The following OSBPL8 variants were observed in gnomAD, a reference collection of about 807,000 sequenced individuals.
OSBPL8 encodes oxysterol-binding protein-related protein 8.
Under a neutral mutation model 125.5 loss-of-function variants are expected in OSBPL8, and 59 were observed. The observed-to-expected ratio is 0.47, with a 90% confidence interval of 0.38 to 0.58. The LOEUF (loss-of-function observed/expected upper bound fraction) is 0.58, where lower values mean the gene tolerates loss of function less well. Ranked by LOEUF, OSBPL8 falls within the 20% of genes least tolerant of loss-of-function variation. The pLI is 0.00. For synonymous variants in OSBPL8, 330 were observed against 338.9 expected (o/e 0.97, Z 0.29); for missense variants, 758 against 1,047.8 (o/e 0.72, Z 3.82).
At chr12:76,397,261 G>A (rs2136328874) in intron 8 of OSBPL8, among the ~76,000 whole-genome samples, 1 of 140,950 alleles carries the variant, frequency 7.1e-6, no homozygotes, top group East Asian at 2.2e-4. Context: ...ATCACTACAG[G>A]AAAGACCATA....
chr12:76,504,383 T>C (rs912899098), intron 1 of OSBPL8, among the ~76,000 whole-genome samples: 7 of 152,214 alleles, frequency 4.6e-5, no homozygotes, highest in African/African-American at 1.7e-4. Flanking sequence ...CTCTGTATCA[T>C]AGAAGCTAAA....
chr12:76,356,162 T>TGGGGGGGGGGGGTTGGGGGGGGG, intron 23 of OSBPL8, 141 bp from the exon 24 acceptor site: 1 of 131,834 alleles, frequency 7.6e-6, no homozygotes, highest in African/African-American at 3.4e-5. Flanking sequence ...TATGTAGGGG[T>TGGGGGGGGGGGGTTGGGGGGGGG]GGGGGGGGGC....
chr12:76,423,670 A>G (rs1226296430), intron 4 of OSBPL8, among the ~76,000 whole-genome samples: 3 of 152,142 alleles, frequency 2.0e-5, no homozygotes, highest in Non-Finnish European at 4.4e-5. Context: ...TTCTCTCCCA[A>G]TTATACTAAA....
chr12:76,357,603 A>G (rs1412850148), intron 22 of OSBPL8, among the ~76,000 whole-genome samples: 1 of 152,100 alleles, frequency 6.6e-6, no homozygotes, highest in Non-Finnish European at 1.5e-5. Flanking sequence ...TCATTCCTCT[A>G]ACTACTCTAG....
At chr12:76,411,524 A>T (rs1233398353) in intron 4 of OSBPL8, among the ~76,000 whole-genome samples, 1 of 152,064 alleles carries the variant, frequency 6.6e-6, no homozygotes, top group Non-Finnish European at 1.5e-5. Context: ...TTTTAAAAAC[A>T]CTTCTAGCAC....
At chr12:76,408,037 G>A (rs1592623454) in intron 5 of OSBPL8, among the ~76,000 whole-genome samples, 1 of 151,262 alleles carries the variant, frequency 6.6e-6, no homozygotes, top group Non-Finnish European at 1.5e-5. Flanking sequence ...TGGGCATGAT[G>A]GCAATGTGCC....
chr12:76,542,520 C>G (rs1034290532), intron 1 of OSBPL8, among the ~76,000 whole-genome samples: 78 of 152,320 alleles, frequency 5.1e-4, no homozygotes, highest in African/African-American at 1.6e-3. Flanking sequence ...ACACCCACCC[C>G]CAAAGTGTCT....
At chr12:76,497,115 G>A (rs1038934914) in intron 1 of OSBPL8, among the ~76,000 whole-genome samples, 5 of 152,090 alleles carry the variant, frequency 3.3e-5, no homozygotes, top group African/African-American at 7.2e-5. Flanking sequence ...ACTAAGTAAG[G>A]AAATATTTTT....
chr12:76,402,594 A>T, intron 6 of OSBPL8, 95 bp downstream of exon 6: 2 of 877,556 alleles, frequency 2.3e-6, no homozygotes, highest in Admixed American at 5.4e-5. Context: ...TTCTTTCTTT[A>T]GGAACACACA....
chr12:76,480,701 G>A (rs182935060), intron 2 of OSBPL8, among the ~76,000 whole-genome samples: 75 of 152,256 alleles, frequency 4.9e-4, no homozygotes, highest in African/African-American at 1.6e-3. Flanking sequence ...GCAACTCCTC[G>A]GGTGAGATGC....
chr12:76,485,953 C>A, intron 2 of OSBPL8: 1 of 343,482 alleles, frequency 2.9e-6, no homozygotes, highest in East Asian at 7.9e-5. Flanking sequence ...TAAAGTTTAT[C>A]ATAAAATAAA....
intron 9 of OSBPL8, among the ~76,000 whole-genome samples, chr12:76,394,370 C>T (rs1284362304): frequency 6.6e-6 from 1 of 151,688 alleles, no homozygotes; most frequent in Non-Finnish European, 1.5e-5. Context: ...CCATAAAGAC[C>T]ACTAACAAAT....
intron 15 of OSBPL8, among the ~76,000 whole-genome samples, chr12:76,380,409 T>C (rs935210792): frequency 1.3e-5 from 2 of 151,720 alleles, no homozygotes; most frequent in African/African-American, 4.8e-5. Context: ...TGTTTTTAAA[T>C]TTCATTCTGA....
chr12:76,356,872 G>A, intron 22 of OSBPL8, 144 bp from the exon 23 acceptor site: 1 of 547,142 alleles, frequency 1.8e-6, no homozygotes, highest in South Asian at 2.6e-5. Context: ...CTGCACTTTT[G>A]AAGTTTCAAA....
chr12:76,481,838 G>C (rs1400681347), intron 2 of OSBPL8, among the ~76,000 whole-genome samples: 2 of 152,160 alleles, frequency 1.3e-5, no homozygotes, highest in African/African-American at 2.4e-5. Flanking sequence ...CCATTAATTT[G>C]CATGCACAAG....
At chr12:76,477,042 G>A (rs1592751131) in intron 2 of OSBPL8, among the ~76,000 whole-genome samples, 1 of 152,196 alleles carries the variant, frequency 6.6e-6, no homozygotes, top group South Asian at 2.1e-4. Context: ...AGTTTATCTT[G>A]GTATCACTCC....
intron 4 of OSBPL8, chr12:76,422,600 G>C (rs781677877): frequency 2.2e-6 from 1 of 456,556 alleles, no homozygotes; most frequent in South Asian, 1.5e-5. Context: ...AAATAAAACA[G>C]GCAAAACCCC....
chr12:76,356,505 A>G (rs1951993185), intron 23 of OSBPL8, 121 bp downstream of exon 23: 1 of 624,772 alleles, frequency 1.6e-6, no homozygotes, highest in Non-Finnish European at 2.7e-6. Flanking sequence ...GAGGCTAAAC[A>G]TTGTATTTTA....
At chr12:76,407,656 G>C (rs1209781277) in intron 5 of OSBPL8, among the ~76,000 whole-genome samples, 1 of 152,098 alleles carries the variant, frequency 6.6e-6, no homozygotes, top group African/African-American at 2.4e-5. Context: ...TTCAGCTCTT[G>C]GAAAATAATA....
Sources: allele counts gnomAD v4.1 joint callset (sites outside exome capture counted in the v4.1 genomes callset), GRCh38; gene constraint gnomAD v4.1.1; transcripts MANE v1.5; gene names NCBI Gene and HGNC (gene_info 2026-07-23, HGNC 2026-07-21).